KRT32: variants seen among roughly 807,000 people sequenced by gnomAD.
The protein encoded by KRT32 is keratin 32.
KRT32 carries 44 observed loss-of-function variants against 41.8 expected under a neutral mutation model. That is an observed-to-expected ratio of 1.05 (90% CI 0.83 to 1.35). KRT32 has a LOEUF of 1.35. KRT32 is among the 40% of genes most tolerant of loss of function. KRT32 has a pLI of 0.00. For synonymous variants in KRT32, 238 were observed against 242.5 expected, an observed-to-expected ratio of 0.98 and a Z score of 0.17; for missense variants, 576 against 584.6, an observed-to-expected ratio of 0.99 and a Z score of 0.15.
rs752178888 is a variant in KRT32 at position 41,465,905 on chromosome 17, C to A, written c.576G>T (p.Arg192=). ...RAKYEAELAM[R]QLVEADINGL... The stretch of plus-strand genomic sequence containing the variant: ...CATTGATGTCGGCCTCCACCAGCTG[C>A]CGCATGGCCAGCTCTGCCTCGTACC... The change falls in exon 3 of 7, where the codon CGG becomes CGT. Residue 192 remains arginine, a synonymous_variant. Coordinates refer to ENST00000225899, the MANE Select transcript of KRT32 (RefSeq NM_002278.3). The A allele has an allele frequency of 1.9e-6, 3 of 1,613,874 alleles. No individual in the cohort carries two copies. The South Asian group carries it at 3.3e-5, about 18-fold the overall frequency.
chr17:41,465,298 T>C lies in KRT32; in HGVS notation c.708+475A>G, dbSNP rs148906707. Among the ~76,000 whole-genome samples the C allele has an allele frequency of 3.9e-4, 59 of 152,214 alleles. 1 individual carries two copies. The highest frequency in any genetic ancestry group is 2.0e-3 in the Admixed American group (31 of 15,292). On this transcript the variant is annotated intron_variant, in intron 3 of 6. Coordinates refer to ENST00000225899, the MANE Select transcript of KRT32 (RefSeq NM_002278.3). ...CAGCTGTACTCCCTCTCAGAAGAGA[T>C]GGGACTGCTTCTGAGAGTTGAGCCA...
chr17:41,467,216 A>T lies in KRT32; in HGVS notation c.110T>A (p.Leu37Gln). ...SGVNCRPELCLGYVCQPMACL... is the reference protein window; with the variant it reads ...SGVNCRPELCQGYVCQPMACL... ...TGCCATGGGCTGGCAGACATAGCCC[A>T]GGCACAGCTCAGGCCGGCAGTTCAC... Residue 37 changes from leucine (L) to glutamine (Q), a missense_variant, in exon 1 of 7, where the codon CTG becomes CAG. Coordinates refer to ENST00000225899, the MANE Select transcript of KRT32 (RefSeq NM_002278.3). 6.2e-7 allele frequency: 1 copy of T among 1,613,886 alleles called. No individual in the cohort carries two copies. Among genetic ancestry groups the T allele is most frequent in the South Asian group, 1.1e-5 (1 of 91,084 alleles).
rs187607883 is a variant in KRT32, at chr17:41,467,312, C to G, written c.14G>C (p.Cys5Ser). The change falls in exon 1 of 7, where the codon TGC (cysteine) becomes TCC (serine). Residue 5 changes from cysteine to serine, a missense_variant. By Grantham distance (112) the Cys-to-Ser change is moderately radical. Coordinates refer to ENST00000225899, the MANE Select transcript of KRT32 (RefSeq NM_002278.3). ...GGCTTGCAAGTTGTTGGTGACACAG[C>G]AGGAGGATGTCATGTTGGAGAGGCC... MTSS[C>S]CVTNNLQASL... The G allele has an allele frequency of 4.0e-5, 64 of 1,607,550 alleles. 1 individual carries two copies. In the East Asian group the frequency reaches 1.4e-3, roughly 35 times the overall value.
At position 41,464,383 on chromosome 17, in the gene KRT32, G is replaced by T. The variant is rs1292638672; in HGVS notation, c.769C>A (p.Pro257Thr). 6 of 1,609,708 alleles carry T rather than the reference G, an allele frequency of 3.7e-6. No individual in the cohort carries two copies. Among genetic ancestry groups the T allele is most frequent in the Non-Finnish European group, 5.1e-6 (6 of 1,177,692 alleles). ...AGCACCCTGGTCAGGTCCACCGGGG[G>T]TGCAGCGTCCACCTCGATGTTAAGG... ...DRLNIEVDAA[P>T]PVDLTRVLEE... The change falls in exon 4 of 7, where the codon CCC becomes ACC. Residue 257 changes from proline to threonine, a missense_variant. Transcript: ENST00000225899.
intron 1 of KRT32, 70 bp from the exon 2 acceptor site, chr17:41,466,246 A>G: frequency 7.7e-7 from 1 of 1,297,890 alleles, no homozygotes; most frequent in Non-Finnish European, 1.1e-6. Context: ...AAATGAAGAG[A>G]AGACAGCAGC....
Position 41,464,309 on chromosome 17 carries a change from C to T in KRT32, c.843G>A (p.Arg281=). ...QYEAMVEANR[R]DVEEWFNMQM... Reference sequence around the variant, plus strand: ...GCATATTGAACCATTCCTCCACGTCCCTGCGGTTGGCCTCCACCATGGCCT... The same window carrying T: ...GCATATTGAACCATTCCTCCACGTCTCTGCGGTTGGCCTCCACCATGGCCT... The change falls in exon 4 of 7, where the codon AGG becomes AGA. Residue 281 remains arginine, a synonymous_variant. Coordinates refer to ENST00000225899, the MANE Select transcript of KRT32 (RefSeq NM_002278.3). 3 of 1,608,176 alleles carry T rather than the reference C, an allele frequency of 1.9e-6. No individual in the cohort carries two copies. Among genetic ancestry groups the T allele is most frequent in the Non-Finnish European group, 2.5e-6 (3 of 1,176,940 alleles).
At chr17:41,461,553 T>C (rs1359647987) in intron 6 of KRT32, among the ~76,000 whole-genome samples, 1 of 152,244 alleles carries the variant, frequency 6.6e-6, no homozygotes, top group East Asian at 1.9e-4. Flanking sequence ...GAATTTAACA[T>C]TTTTAAAAAC....
In KRT32 at chr17:41,464,034, C is replaced by T. The variant is rs374724222; in HGVS notation, c.996+44G>A. ...GGGGACCTGCACCTATGCTCAGTAC[C>T]GCCTAGGATCCGGAGGGATGGGTGC... On this transcript the variant is annotated intron_variant, in intron 5 of 6. Transcript: ENST00000225899. 4.5e-5 allele frequency: 68 copies of T among 1,510,558 alleles called. No homozygotes were observed. The East Asian group carries it at 5.8e-4, about 13-fold the overall frequency. The allele number at this position is 1,510,558 out of a possible 1,614,324, so 93.6% of individuals were successfully genotyped here.
At chr17:41,464,017 G>C in intron 5 of KRT32, 61 bp downstream of exon 5, 3 of 1,427,218 alleles carry the variant, frequency 2.1e-6, no homozygotes, top group Non-Finnish European at 2.8e-6. Flanking sequence ...CTGGGGACCT[G>C]CACCTATGCT....
At chr17:41,460,640 G>A (rs867075203) in intron 6 of KRT32, among the ~76,000 whole-genome samples, 13 of 152,146 alleles carry the variant, frequency 8.5e-5, no homozygotes, top group Admixed American at 4.6e-4. Flanking sequence ...ATAAGTGAGA[G>A]TTGAACAATG....
In KRT32 at chr17:41,459,561, T is replaced by C. The variant is rs546593497; in HGVS notation, c.*549A>G. 6.6e-5 allele frequency among the ~76,000 whole-genome samples: 10 copies of C among 152,318 alleles called. No individual in the cohort carries two copies. The East Asian group carries it at 1.9e-3, about 29-fold the overall frequency. Reference sequence around the variant, plus strand: ...ATGATATGATTCTCAATTACAGTAATTTGGCCTAGGTTTCTGGCATAATTA... The same window carrying C: ...ATGATATGATTCTCAATTACAGTAACTTGGCCTAGGTTTCTGGCATAATTA... On this transcript the variant is annotated 3_prime_UTR_variant, in exon 7 of 7. Transcript: ENST00000225899.
rs774996977 is a variant in KRT32, at chr17:41,464,418, A to T, written c.734T>A (p.Leu245His). The change falls in exon 4 of 7, where the codon CTT becomes CAT. Residue 245 changes from leucine (L) to histidine (H), a missense_variant. Leu to His is a moderately conservative substitution (Grantham distance 99). Coordinates refer to ENST00000225899, the MANE Select transcript of KRT32 (RefSeq NM_002278.3). The part of the protein sequence containing the change: ...EEEVGSLRCQ[L>H]GDRLNIEVDA... ...CACCTCGATGTTAAGGCGGTCCCCA[A>T]GCTGGCATCGAAGGGAACCGACTTC... The T allele has an allele frequency of 6.3e-7, 1 of 1,581,564 alleles. No homozygotes were observed. Among genetic ancestry groups the T allele is most frequent in the East Asian group, 2.3e-5 (1 of 44,182 alleles).
chr17:41,466,627 GA>G (rs2019071279), intron 1 of KRT32, among the ~76,000 whole-genome samples: 1 of 152,170 alleles, frequency 6.6e-6, no homozygotes, highest in Non-Finnish European at 1.5e-5. Flanking sequence ...CTGGGGAAGG[GA>G]TGGGACCCCC....
chr17:41,466,751 C>A (rs2019072130), intron 1 of KRT32, 107 bp downstream of exon 1: 4 of 793,754 alleles, frequency 5.0e-6, no homozygotes, highest in African/African-American at 1.7e-5. Flanking sequence ...CTAGGGAAGT[C>A]TCTTTGTCCT....
At position 41,464,156 on chromosome 17, in the gene KRT32, C is replaced by T. The variant is rs762202748; in HGVS notation, c.918G>A (p.Gln306=). 57 of 1,612,862 alleles carry T rather than the reference C, an allele frequency of 3.5e-5. No individual in the cohort carries two copies. The Middle Eastern group carries it at 6.6e-4, about 19-fold the overall frequency. Residue 306 remains glutamine, a synonymous_variant, in exon 5 of 7, where the codon CAG becomes CAA. Coordinates refer to ENST00000225899, the MANE Select transcript of KRT32 (RefSeq NM_002278.3). ...QQVATSSEQL[Q]NYQSDIIDLR... is the part of the protein sequence containing the mutation. ...GGTCAATGATGTCTGACTGGTAGTTCTGAAGCTGCTCAGAGCTTGTGGCCA... is the reference window on the plus strand; with the variant it reads ...GGTCAATGATGTCTGACTGGTAGTTTTGAAGCTGCTCAGAGCTTGTGGCCA...
At position 41,466,986 on chromosome 17, in the gene KRT32, C is replaced by T; in HGVS notation, c.340G>A (p.Val114Met). The T allele has an allele frequency of 6.2e-7, 1 of 1,614,240 alleles. No individual in the cohort carries two copies. The highest frequency in any genetic ancestry group is 8.5e-7 in the Non-Finnish European group (1 of 1,180,052). Reference protein sequence around the residue: ...NDRLASYLTRVRQLEQENAEL... With the variant: ...NDRLASYLTRMRQLEQENAEL... ...GCATTCTCCTGCTCCAGCTGCCGCA[C>T]CCTCGTCAGGTAGCTGGCCAGGCGG... Residue 114 changes from valine (V) to methionine (M), a missense_variant, in exon 1 of 7, where the codon GTG becomes ATG. Coordinates refer to ENST00000225899, the MANE Select transcript of KRT32 (RefSeq NM_002278.3).
Position 41,464,059 on chromosome 17 carries a change from C to T in KRT32, c.996+19G>A, listed in dbSNP as rs377562660. The T allele has an allele frequency of 1.5e-5, 24 of 1,556,820 alleles. No homozygotes were observed. The highest frequency in any genetic ancestry group is 1.2e-4 in the African/African-American group (9 of 73,382). On this transcript the variant is annotated intron_variant, in intron 5 of 6. Transcript: ENST00000225899. The stretch of plus-strand genomic sequence containing the variant: ...CGCCTAGGATCCGGAGGGATGGGTG[C>T]CCACCCAGCAGCTCTCACCAGGCTG...
Position 41,459,785 on chromosome 17 carries a change from G to T in KRT32, c.*325C>A, listed in dbSNP as rs145537708. On this transcript the variant is annotated 3_prime_UTR_variant, in exon 7 of 7. Coordinates refer to ENST00000225899, the MANE Select transcript of KRT32 (RefSeq NM_002278.3). Reference sequence around the variant, plus strand: ...AGGATTGGCTTGTGGATGCAGCAGCGTAAGTGACAAACAGAGACAGACATG... The same window carrying T: ...AGGATTGGCTTGTGGATGCAGCAGCTTAAGTGACAAACAGAGACAGACATG... The T allele has an allele frequency of 1.1e-5, 2 of 187,736 alleles. No homozygotes were observed. Among genetic ancestry groups the T allele is most frequent in the East Asian group, 1.5e-4 (1 of 6,514 alleles). 11.6% of individuals were successfully genotyped at this position (187,736 alleles called of 1,614,324 possible).
chr17:41,461,473 C>A (rs1286994008), intron 6 of KRT32, among the ~76,000 whole-genome samples: 2 of 152,192 alleles, frequency 1.3e-5, no homozygotes, highest in Non-Finnish European at 2.9e-5. Flanking sequence ...CATGTGCAAC[C>A]TGAAATGTGT....
Sources: allele counts gnomAD v4.1 joint callset (sites outside exome capture counted in the v4.1 genomes callset), GRCh38; gene constraint gnomAD v4.1.1; transcripts MANE v1.5; gene names NCBI Gene and HGNC (gene_info 2026-07-23, HGNC 2026-07-21).